The following SNRPC variants were observed in gnomAD, a reference collection of about 807,000 sequenced individuals.
SNRPC encodes small nuclear ribonucleoprotein polypeptide C.
SNRPC carries 5 observed loss-of-function variants against 20.0 expected under a neutral mutation model. The observed-to-expected ratio is 0.25, with a 90% confidence interval of 0.13 to 0.53. SNRPC has a LOEUF of 0.53. SNRPC is among the 20% of genes least tolerant of loss of function. The pLI is 0.96. For synonymous variants in SNRPC, 61 were observed against 58.7 expected (o/e 1.04, Z -0.18); for missense variants, 112 against 224.1 (o/e 0.50, Z 3.19).
At position 34,773,497 on chromosome 6, in the gene SNRPC, C is replaced by T. The variant is rs1465581881; in HGVS notation, c.407C>T (p.Pro136Leu). 2 of 1,613,406 alleles carry T rather than the reference C, an allele frequency of 1.2e-6. No individual in the cohort carries two copies. The highest frequency in any genetic ancestry group is 1.3e-5 in the African/African-American group (1 of 74,876). ...MGGHMPMMPG[P>L]PMMRPPARPM... Reference sequence around the variant, plus strand: ...GGCCATATGCCAATGATGCCTGGGCCCCCAATGATGAGACCTCCTGCCCGT... The same window carrying T: ...GGCCATATGCCAATGATGCCTGGGCTCCCAATGATGAGACCTCCTGCCCGT... Residue 136 changes from proline (P) to leucine (L), a missense_variant, in exon 6 of 6, where the codon CCC becomes CTC. This residue lies in a region of SNRPC where 57 missense variants were observed against 121.0 expected (regional missense o/e 0.47). Transcript: ENST00000244520. This position sits in a 1 kb window ranked among gnomAD's most constrained non-coding sequence, Gnocchi z 4.1.
At chr6:34,764,866 A>C (rs1028253171) in intron 3 of SNRPC, among the ~76,000 whole-genome samples, 4 of 151,774 alleles carry the variant, frequency 2.6e-5, no homozygotes, top group African/African-American at 9.7e-5. Context: ...TAGTAAAAAT[A>C]CAAAATTACC....
chr6:34,770,907 G>C (rs1186010875), intron 5 of SNRPC, among the ~76,000 whole-genome samples: 1 of 152,206 alleles, frequency 6.6e-6, no homozygotes, highest in East Asian at 1.9e-4. Context: ...AAGGCTTTCA[G>C]CCTGGTAGTT....
chr6:34,768,762 A>G (rs2127407519), intron 4 of SNRPC, among the ~76,000 whole-genome samples: 1 of 151,976 alleles, frequency 6.6e-6, no homozygotes, highest in African/African-American at 2.4e-5. Flanking sequence ...TCAAAAAAAA[A>G]AAAAAAAAGA....
intron 3 of SNRPC, among the ~76,000 whole-genome samples, chr6:34,766,754 C>T (rs1764618712): frequency 6.6e-6 from 1 of 152,176 alleles, no homozygotes; most frequent in Non-Finnish European, 1.5e-5. Flanking sequence ...TGAGATCGCA[C>T]AGGCTTTATT....
chr6:34,757,789 C>A, intron 1 of SNRPC, 123 bp from the exon 2 acceptor site: 1 of 1,594,860 alleles, frequency 6.3e-7, no homozygotes, highest in South Asian at 1.1e-5. Context: ...GCTTTTGAGT[C>A]GTGAGGCGGT....
At chr6:34,765,929 T>G (rs2127406888) in intron 3 of SNRPC, among the ~76,000 whole-genome samples, 1 of 151,806 alleles carries the variant, frequency 6.6e-6, no homozygotes, top group South Asian at 2.1e-4. Flanking sequence ...TTTATAGAGA[T>G]GGTGTCTCAC....
At chr6:34,763,447 C>T (rs1056271886) in intron 3 of SNRPC, among the ~76,000 whole-genome samples, 9 of 151,872 alleles carry the variant, frequency 5.9e-5, no homozygotes, top group Admixed American at 4.6e-4. Context: ...TTTGGGAGGC[C>T]GAGGCTGGCA....
At chr6:34,771,577 T>C (rs956633118) in intron 5 of SNRPC, among the ~76,000 whole-genome samples, 2 of 152,220 alleles carry the variant, frequency 1.3e-5, no homozygotes, top group Non-Finnish European at 2.9e-5. Context: ...TCATAGAAGC[T>C]ATTCTCTTTT....
intron 3 of SNRPC, among the ~76,000 whole-genome samples, chr6:34,765,773 C>G (rs561119274): frequency 1.3e-5 from 2 of 152,058 alleles, no homozygotes; most frequent in South Asian, 2.1e-4. Flanking sequence ...GAGTCTCACT[C>G]TGTTGCCCAG....
intron 3 of SNRPC, among the ~76,000 whole-genome samples, chr6:34,763,455 G>T (rs900043298): frequency 9.2e-5 from 14 of 151,990 alleles, no homozygotes; most frequent in African/African-American, 3.1e-4. Flanking sequence ...GCCGAGGCTG[G>T]CAGATCACTT....
chr6:34,767,507 G>A (rs1298365847), intron 3 of SNRPC, among the ~76,000 whole-genome samples: 1 of 152,228 alleles, frequency 6.6e-6, no homozygotes, highest in East Asian at 1.9e-4. Flanking sequence ...GTAGCTACTC[G>A]GGAGGATGAA....
intron 5 of SNRPC, among the ~76,000 whole-genome samples, chr6:34,772,388 T>C (rs998597763): frequency 1.3e-5 from 2 of 152,246 alleles, no homozygotes; most frequent in Admixed American, 1.3e-4. Flanking sequence ...CCATTTCCTC[T>C]AAGAAATTCT....
At chr6:34,763,057 A>G (rs781765949) in intron 3 of SNRPC, among the ~76,000 whole-genome samples, 7 of 152,192 alleles carry the variant, frequency 4.6e-5, no homozygotes, top group Non-Finnish European at 1.0e-4. Flanking sequence ...CTATTCTAAT[A>G]GGAGCAGGTG....
chr6:34,772,694 A>G (rs1179976877), intron 5 of SNRPC, among the ~76,000 whole-genome samples: 1 of 152,170 alleles, frequency 6.6e-6, no homozygotes, highest in African/African-American at 2.4e-5. Context: ...ATTAATATCC[A>G]TGAACCCACC....
intron 3 of SNRPC, among the ~76,000 whole-genome samples, chr6:34,764,303 C>T (rs936848075): frequency 2.0e-5 from 3 of 151,690 alleles, no homozygotes; most frequent in African/African-American, 7.3e-5. Flanking sequence ...ATGGAGAAAC[C>T]CCGTCTCTAC....
rs548932083 is a variant in SNRPC, at chr6:34,759,605, C to A, written c.51+1651C>A. Among the ~76,000 whole-genome samples, 5 of 151,856 alleles carry A rather than the reference C, an allele frequency of 3.3e-5. No individual in the cohort carries two copies. The East Asian group carries it at 9.7e-4, about 29-fold the overall frequency. On this transcript the variant is annotated intron_variant, in intron 2 of 5. Transcript: ENST00000244520. ...CACTCAGTGGAACTGGCTTTTTTTT[C>A]CCCCATGAGTACATACGTTGAAGAA...
At chr6:34,760,603 A>G (rs910754166) in intron 2 of SNRPC, among the ~76,000 whole-genome samples, 1 of 152,194 alleles carries the variant, frequency 6.6e-6, no homozygotes, top group African/African-American at 2.4e-5. Context: ...TGCTAATGCC[A>G]GAATTCAGAG....
At chr6:34,763,799 C>T (rs981582344) in intron 3 of SNRPC, among the ~76,000 whole-genome samples, 16 of 151,196 alleles carry the variant, frequency 1.1e-4, no homozygotes, top group African/African-American at 3.6e-4. Context: ...TCACTGCAAG[C>T]TCCACCTCCC....
chr6:34,759,019 C>CAAAAA (rs755576537), intron 2 of SNRPC, among the ~76,000 whole-genome samples: 78 of 24,158 alleles, frequency 3.2e-3, no homozygotes, highest in Non-Finnish European at 6.0e-3. Context: ...GACTCCGTCT[C>CAAAAA]AAAAAAAAAA....
Sources: gnomAD v4.1 joint callset for allele counts (sites outside exome capture counted in the v4.1 genomes callset) on GRCh38, gnomAD v4.1.1 for gene constraint, gnomAD v4.1.1 regional missense constraint, Gnocchi (gnomAD v3.1) non-coding constraint, MANE v1.5 for transcripts, NCBI Gene and HGNC (gene_info 2026-07-23, HGNC 2026-07-21) for gene names.